The following PAX5 variants were observed in gnomAD, a reference collection of about 807,000 sequenced individuals.
The protein encoded by PAX5 is paired box 5, also known as paired box protein Pax-5.
PAX5 carries 9 observed loss-of-function variants against 43.7 expected under a neutral mutation model. That is an observed-to-expected ratio of 0.21 (90% CI 0.12 to 0.36). PAX5 has a LOEUF of 0.36. PAX5 is among the 10% of genes least tolerant of loss of function. The pLI is 1.00. For synonymous variants in PAX5, 228 were observed against 214.3 expected, an observed-to-expected ratio of 1.06 and a Z score of -0.56; for missense variants, 383 against 532.7, an observed-to-expected ratio of 0.72 and a Z score of 2.77.
intron 8 of PAX5, chr9:36,861,206 T>TCATC (rs1298696047): frequency 4.0e-5 from 6 of 151,718 alleles, no homozygotes; most frequent in Non-Finnish European, 8.8e-5. Context: ...AGTCGCAATT[T>TCATC]CATCCATCCA....
chr9:36,841,362 T>G (rs1291243888), intron 9 of PAX5, among the ~76,000 whole-genome samples: 2 of 152,250 alleles, frequency 1.3e-5, no homozygotes, highest in Non-Finnish European at 2.9e-5. Context: ...CTCCTGCCTC[T>G]GTGCCTTTCC....
chr9:36,986,410 C>A (rs1229129115), intron 5 of PAX5, among the ~76,000 whole-genome samples: 1 of 151,338 alleles, frequency 6.6e-6, no homozygotes, highest in African/African-American at 2.4e-5. Flanking sequence ...TATCTCGGAA[C>A]GTCAATTGAC....
intron 6 of PAX5, among the ~76,000 whole-genome samples, chr9:36,960,306 C>T (rs999376526): frequency 1.3e-5 from 2 of 152,212 alleles, no homozygotes; most frequent in South Asian, 2.1e-4. Context: ...GGGATTCACA[C>T]GTTCATGCAC....
intron 8 of PAX5, among the ~76,000 whole-genome samples, chr9:36,869,693 G>C (rs890558024): frequency 1.3e-5 from 2 of 152,218 alleles, no homozygotes; most frequent in African/African-American, 4.8e-5. Flanking sequence ...CCTGACAAGG[G>C]TCATGAGTTT....
intron 1 of PAX5, chr9:37,026,513 C>A (rs1457440686): frequency 7.6e-7 from 1 of 1,322,790 alleles, no homozygotes; most frequent in Non-Finnish European, 9.9e-7. Context: ...GTGAGAGAAG[C>A]GAGCTCGCCG....
intron 8 of PAX5, among the ~76,000 whole-genome samples, chr9:36,873,215 T>C (rs1181209352): frequency 6.6e-6 from 1 of 152,242 alleles, no homozygotes; most frequent in Non-Finnish European, 1.5e-5. Flanking sequence ...TCCTAGGTCT[T>C]AGCTCTTAAC....
At chr9:37,002,931 G>C in intron 4 of PAX5, 155 bp from the exon 5 acceptor site, 1 of 854,972 alleles carries the variant, frequency 1.2e-6, no homozygotes, top group South Asian at 1.9e-5. Flanking sequence ...GGCCACACCT[G>C]AGCCACGAGC....
At chr9:36,988,810 G>A (rs1836690561) in intron 5 of PAX5, among the ~76,000 whole-genome samples, 1 of 152,126 alleles carries the variant, frequency 6.6e-6, no homozygotes, top group Admixed American at 6.5e-5. Context: ...AAAATAATAG[G>A]TGATATTTTT....
At chr9:36,937,106 G>A (rs1223966555) in intron 6 of PAX5, among the ~76,000 whole-genome samples, 5 of 152,284 alleles carry the variant, frequency 3.3e-5, no homozygotes, top group Middle Eastern at 6.8e-3. Flanking sequence ...CCATTCAGAA[G>A]ACTCTACCAG....
chr9:36,889,941 C>CG (rs68091267), intron 7 of PAX5, among the ~76,000 whole-genome samples: 4,785 of 91,778 alleles, frequency 0.052, 137 homozygotes, highest in African/African-American at 0.092. Context: ...TGTACACTAA[C>CG]GGGGGGGGGG....
At chr9:36,959,815 C>T (rs1833800514) in intron 6 of PAX5, among the ~76,000 whole-genome samples, 1 of 152,354 alleles carries the variant, frequency 6.6e-6, no homozygotes, top group South Asian at 2.1e-4. Context: ...CCAGCCTGGG[C>T]TCTGGAGGCA....
intron 5 of PAX5, among the ~76,000 whole-genome samples, chr9:36,991,565 C>T (rs1045821162): frequency 2.6e-5 from 4 of 152,178 alleles, no homozygotes; most frequent in African/African-American, 9.7e-5. Flanking sequence ...ATGGTCCAGC[C>T]TCCCCCTCCC....
intron 1 of PAX5, among the ~76,000 whole-genome samples, chr9:37,031,496 G>T (rs1433549720): frequency 6.6e-6 from 1 of 152,136 alleles, no homozygotes; most frequent in African/African-American, 2.4e-5. Flanking sequence ...GGACTCAAGG[G>T]TTCCCATGGC....
At chr9:36,842,099 C>T (rs1822113616) in intron 9 of PAX5, among the ~76,000 whole-genome samples, 1 of 152,326 alleles carries the variant, frequency 6.6e-6, no homozygotes, top group South Asian at 2.1e-4. Context: ...CTGTTCCAGA[C>T]AGCACAAACA....
intron 5 of PAX5, among the ~76,000 whole-genome samples, chr9:36,967,804 G>A (rs548797971): frequency 2.0e-5 from 3 of 152,266 alleles, no homozygotes; most frequent in East Asian, 1.9e-4. Context: ...TGAATGTACT[G>A]CTTATTACAA....
At chr9:36,866,693 T>C (rs1483715192) in intron 8 of PAX5, among the ~76,000 whole-genome samples, 3 of 152,130 alleles carry the variant, frequency 2.0e-5, no homozygotes, top group African/African-American at 7.2e-5. Flanking sequence ...GTGGGGACAA[T>C]AGGGCAGAAA....
intron 6 of PAX5, among the ~76,000 whole-genome samples, chr9:36,952,741 C>T (rs1326388017): frequency 1.3e-5 from 2 of 152,070 alleles, no homozygotes; most frequent in African/African-American, 4.8e-5. Flanking sequence ...AATCATGTAC[C>T]TTCTAATAGA....
At chr9:36,916,730 G>A (rs960239853) in intron 7 of PAX5, among the ~76,000 whole-genome samples, 1 of 151,974 alleles carries the variant, frequency 6.6e-6, no homozygotes, top group Non-Finnish European at 1.5e-5. Context: ...CATCATCCAG[G>A]CTGGAATGCA....
chr9:36,961,220 C>T (rs538074209), intron 6 of PAX5, among the ~76,000 whole-genome samples: 15 of 152,330 alleles, frequency 9.8e-5, no homozygotes, highest in South Asian at 4.1e-4. Flanking sequence ...CAATGCTGTT[C>T]GGCCCACCAG....
Sources: gnomAD v4.1 joint callset for allele counts (sites outside exome capture counted in the v4.1 genomes callset) on GRCh38, gnomAD v4.1.1 for gene constraint, MANE v1.5 for transcripts, NCBI Gene and HGNC (gene_info 2026-07-23, HGNC 2026-07-21) for gene names.